Variants in COBL observed in about 807,000 individuals in gnomAD.
COBL encodes the protein protein cordon-bleu.
A neutral mutation model predicts 98.8 loss-of-function variants in COBL; 51 were observed. The observed-to-expected ratio is 0.52, with a 90% confidence interval of 0.41 to 0.65. COBL has a LOEUF of 0.65. Ranked by LOEUF, COBL falls within the 30% of genes least tolerant of loss-of-function variation. The pLI, the probability that COBL is intolerant of heterozygous loss-of-function variation, is 0.00. For synonymous variants in COBL, 634 were observed against 651.7 expected (o/e 0.97, Z 0.41); for missense variants, 1,617 against 1,617.5 (o/e 1.00, Z 0.01).
At chr7:51,087,627 C>A (rs953205897) in intron 6 of COBL, among the ~76,000 whole-genome samples, 4 of 151,912 alleles carry the variant, frequency 2.6e-5, no homozygotes, top group African/African-American at 9.7e-5. Context: ...GGCACTGCCA[C>A]CACGCCGGGC....
chr7:51,054,218 T>C (rs901628209), intron 7 of COBL, among the ~76,000 whole-genome samples: 1 of 152,102 alleles, frequency 6.6e-6, no homozygotes, highest in Non-Finnish European at 1.5e-5. Flanking sequence ...AAAGAACACA[T>C]AAAAAGGAAA....
intron 7 of COBL, among the ~76,000 whole-genome samples, chr7:51,080,918 ATTCATTTTCCTT>A (rs1793592491): frequency 6.6e-6 from 1 of 151,098 alleles, no homozygotes; most frequent in Admixed American, 6.6e-5. Context: ...AAATGAAAAG[ATTCATTTTCCTT>A]AACTTTTTTA....
At chr7:51,140,238 G>A (rs1799607862) in intron 5 of COBL, among the ~76,000 whole-genome samples, 1 of 152,048 alleles carries the variant, frequency 6.6e-6, no homozygotes, top group Admixed American at 6.6e-5. Context: ...CTTCCTCCAG[G>A]CCAGCTGCTG....
intron 5 of COBL, among the ~76,000 whole-genome samples, chr7:51,157,197 C>T (rs996510625): frequency 1.3e-5 from 2 of 152,106 alleles, no homozygotes; most frequent in African/African-American, 4.8e-5. Context: ...ATGGTGAAAC[C>T]CCATCTCTAC....
intron 2 of COBL, among the ~76,000 whole-genome samples, chr7:51,205,527 T>G (rs931257521): frequency 2.0e-5 from 3 of 151,548 alleles, no homozygotes; most frequent in African/African-American, 7.3e-5. Context: ...CAAAATAGAT[T>G]ATAAACACTT....
intron 5 of COBL, among the ~76,000 whole-genome samples, chr7:51,164,457 T>G (rs1276753641): frequency 6.6e-6 from 1 of 151,824 alleles, no homozygotes; most frequent in African/African-American, 2.4e-5. Flanking sequence ...CAGGAGAGAG[T>G]GACATAACAT....
At chr7:51,102,659 CAG>C (rs1241851007) in intron 6 of COBL, among the ~76,000 whole-genome samples, 2 of 152,316 alleles carry the variant, frequency 1.3e-5, no homozygotes, top group East Asian at 3.9e-4. Context: ...CTAAAGAAGA[CAG>C]ACATCCACAG....
At chr7:51,248,791 G>T (rs1350855608) in intron 1 of COBL, among the ~76,000 whole-genome samples, 1 of 152,156 alleles carries the variant, frequency 6.6e-6, no homozygotes, top group Non-Finnish European at 1.5e-5. Flanking sequence ...GCCTCAGACA[G>T]AATAATGGGC....
chr7:51,219,721 C>A lies in COBL; in HGVS notation c.245+20G>T. On this transcript the variant is annotated intron_variant, in intron 2 of 12. Transcript: ENST00000265136. ...TCGCAAAGTGAGTACAGCGACTCCT[C>A]CTGCAGCACCGGCTCTCACCTCCCA... 6.2e-7 allele frequency: 1 copy of A among 1,610,582 alleles called. No homozygotes were observed. Among genetic ancestry groups the A allele is most frequent in the Non-Finnish European group, 8.5e-7 (1 of 1,178,038 alleles).
intron 2 of COBL, among the ~76,000 whole-genome samples, chr7:51,203,325 A>T: frequency 7.0e-6 from 1 of 141,918 alleles, no homozygotes; most frequent in African/African-American, 2.8e-5. Context: ...AGCCGGGTGT[A>T]GTGGCGGGCG....
At chr7:51,177,515 T>C (rs931269426) in intron 5 of COBL, among the ~76,000 whole-genome samples, 1 of 152,190 alleles carries the variant, frequency 6.6e-6, no homozygotes, top group Non-Finnish European at 1.5e-5. Flanking sequence ...GGCTCACGCC[T>C]GTAATCCCAG....
chr7:51,036,058 G>C (rs981188023), intron 8 of COBL: 1 of 152,186 alleles, frequency 6.6e-6, no homozygotes, highest in Non-Finnish European at 1.5e-5. Context: ...AAATGGCATA[G>C]TAGCTGGGTG....
chr7:51,272,518 G>A (rs955449912), intron 1 of COBL, among the ~76,000 whole-genome samples: 4 of 151,930 alleles, frequency 2.6e-5, no homozygotes, highest in Admixed American at 6.6e-5. Flanking sequence ...CATGGGCGAC[G>A]CAAGAAAAAA....
intron 1 of COBL, among the ~76,000 whole-genome samples, chr7:51,246,523 C>T (rs1796280512): frequency 6.6e-6 from 1 of 152,202 alleles, no homozygotes; most frequent in Non-Finnish European, 1.5e-5. Context: ...CCCCAACATC[C>T]CTGCTGGTCT....
chr7:51,027,021 T>C (rs181830516), intron 10 of COBL, among the ~76,000 whole-genome samples: 4 of 152,364 alleles, frequency 2.6e-5, no homozygotes, highest in Admixed American at 2.0e-4. Context: ...TGCCTCTTAA[T>C]GGCAGACCAC....
chr7:51,133,898 C>T (rs756861294), intron 6 of COBL, among the ~76,000 whole-genome samples: 2 of 152,088 alleles, frequency 1.3e-5, no homozygotes, highest in Admixed American at 1.3e-4. Flanking sequence ...CTAATATTAT[C>T]CCACCGTTAG....
At chr7:51,148,612 C>T (rs565257826) in intron 5 of COBL, among the ~76,000 whole-genome samples, 6 of 152,308 alleles carry the variant, frequency 3.9e-5, no homozygotes, top group South Asian at 2.1e-4. Context: ...CTTGACTTTC[C>T]GTGGCTCATT....
Position 51,028,612 on chromosome 7 carries a change from G to T in COBL, c.2484C>A (p.Pro828=). The T allele has an allele frequency of 6.2e-7, 1 of 1,613,980 alleles. No individual in the cohort carries two copies. The highest frequency in any genetic ancestry group is 8.5e-7 in the Non-Finnish European group (1 of 1,179,914). Residue 828 remains proline, a synonymous_variant, in exon 10 of 13, where the codon CCC becomes CCA. Coordinates refer to ENST00000265136, the MANE Select transcript of COBL (RefSeq NM_015198.5). ...QKSAHHEGRN[P]LGEGRNQPPT... is the part of the protein sequence containing the mutation. The stretch of plus-strand genomic sequence containing the variant: ...GGGGCTGGTTTCTCCCCTCCCCTAG[G>T]GGGTTCCGGCCCTCATGGTGGGCAG...
intron 2 of COBL, among the ~76,000 whole-genome samples, chr7:51,207,959 G>C (rs1302273507): frequency 7.0e-6 from 1 of 143,608 alleles, no homozygotes; most frequent in Non-Finnish European, 1.5e-5. Flanking sequence ...GTCTCTGCCT[G>C]GCCGCCATCC....
Sources: allele counts gnomAD v4.1 joint callset (sites outside exome capture counted in the v4.1 genomes callset), GRCh38; gene constraint gnomAD v4.1.1; transcripts MANE v1.5; gene names NCBI Gene and HGNC (gene_info 2026-07-23, HGNC 2026-07-21).